PCDH15: variants seen among roughly 807,000 people sequenced by gnomAD.
PCDH15 encodes protocadherin related 15.
A neutral mutation model predicts 178.5 loss-of-function variants in PCDH15; 129 were observed. The ratio of observed to expected loss-of-function variants is 0.72; its 90% CI spans 0.63 to 0.84. PCDH15 has a LOEUF of 0.84. PCDH15 is among the 40% of genes least tolerant of loss of function. The probability of loss-of-function intolerance (pLI) is 0.00; values close to 1 mark genes in which losing one functional copy is unlikely to be tolerated. For synonymous variants in PCDH15, 800 were observed against 732.0 expected (o/e 1.09, Z -1.50); for missense variants, 2,230 against 2,099.9 (o/e 1.06, Z -1.21).
upstream of PCDH15, among the ~76,000 whole-genome samples, chr10:55,324,325 G>A (rs1216568448): frequency 6.6e-6 from 1 of 152,090 alleles, no homozygotes; most frequent in Non-Finnish European, 1.5e-5. Context: ...AGACCCAACT[G>A]TATGCTGCCT....
intron 21 of PCDH15, among the ~76,000 whole-genome samples, chr10:53,986,055 A>G (rs929220496): frequency 2.0e-5 from 3 of 152,170 alleles, no homozygotes; most frequent in Admixed American, 2.0e-4. Context: ...ATCACACAGT[A>G]TTGTTAACTA....
At chr10:54,738,972 CAT>C (rs1944450962) in intron 1 of PCDH15, among the ~76,000 whole-genome samples, 1 of 151,860 alleles carries the variant, frequency 6.6e-6, no homozygotes, top group Non-Finnish European at 1.5e-5. Flanking sequence ...AATGGGAAAA[CAT>C]TGAAAGCCTT....
intron 2 of PCDH15, among the ~76,000 whole-genome samples, chr10:55,165,916 G>A (rs1356793684): frequency 6.6e-6 from 1 of 151,252 alleles, no homozygotes; most frequent in African/African-American, 2.4e-5. Context: ...TTTCTATTTC[G>A]GATTCTATTT....
At chr10:55,602,926 G>A (rs1168629361) in intron 2 of PCDH15, among the ~76,000 whole-genome samples, 11 of 152,112 alleles carry the variant, frequency 7.2e-5, no homozygotes, top group East Asian at 3.9e-4. Flanking sequence ...GGCTTCAGAC[G>A]ATCAAATTAC....
chr10:54,693,510 T>A (rs1363248881), intron 1 of PCDH15, among the ~76,000 whole-genome samples: 1 of 152,160 alleles, frequency 6.6e-6, no homozygotes, highest in East Asian at 1.9e-4. Flanking sequence ...TTTCTCACCC[T>A]TGAGAATTAA....
intron 2 of PCDH15, among the ~76,000 whole-genome samples, chr10:55,032,958 G>C (rs553552473): frequency 8.9e-4 from 136 of 152,214 alleles, no homozygotes; most frequent in Non-Finnish European, 1.4e-3. Context: ...TTCAGTTGTG[G>C]TGTAGGTGGC....
At chr10:54,192,415 A>G (rs2049127686) in intron 11 of PCDH15, among the ~76,000 whole-genome samples, 1 of 152,092 alleles carries the variant, frequency 6.6e-6, no homozygotes, top group African/African-American at 2.4e-5. Context: ...AGAAGAAAAG[A>G]GATTAAATAA....
At chr10:54,250,011 G>A (rs933829604) in intron 8 of PCDH15, among the ~76,000 whole-genome samples, 10 of 151,482 alleles carry the variant, frequency 6.6e-5, no homozygotes, top group Admixed American at 6.6e-5. Context: ...TCATGGGCTC[G>A]GACCATCCTC....
chr10:53,882,084 A>G (rs540585101), intron 26 of PCDH15, among the ~76,000 whole-genome samples: 2 of 148,540 alleles, frequency 1.3e-5, no homozygotes, highest in East Asian at 4.0e-4. Context: ...CCGCCTTCTG[A>G]GTTGAAGCAA....
chr10:55,118,280 T>A (rs1488567710), intron 2 of PCDH15, among the ~76,000 whole-genome samples: 1 of 152,174 alleles, frequency 6.6e-6, no homozygotes, highest in East Asian at 1.9e-4. Flanking sequence ...CTGGGTCCTC[T>A]AGGTAGACAC....
At chr10:53,994,043 G>A (rs1285442440) in intron 21 of PCDH15, among the ~76,000 whole-genome samples, 3 of 152,158 alleles carry the variant, frequency 2.0e-5, no homozygotes, top group Non-Finnish European at 4.4e-5. Flanking sequence ...ATTTAAAAGA[G>A]CTTCAAAGTG....
At chr10:54,261,801 G>A (rs1330632096) in intron 8 of PCDH15, among the ~76,000 whole-genome samples, 3 of 152,166 alleles carry the variant, frequency 2.0e-5, no homozygotes, top group Non-Finnish European at 2.9e-5. Flanking sequence ...TTTGGAGAAT[G>A]GCAGATGGCC....
chr10:53,860,874 C>T (rs1346379114), intron 27 of PCDH15, among the ~76,000 whole-genome samples: 1 of 151,586 alleles, frequency 6.6e-6, no homozygotes, highest in Non-Finnish European at 1.5e-5. Flanking sequence ...TGAAAATATA[C>T]TTTTATATTT....
At chr10:54,571,126 C>T (rs1225973702) in intron 2 of PCDH15, among the ~76,000 whole-genome samples, 2 of 151,866 alleles carry the variant, frequency 1.3e-5, no homozygotes, top group African/African-American at 4.8e-5. Flanking sequence ...AAATGCACAA[C>T]GATTATAAGA....
At chr10:55,415,909 T>C (rs1041917576) in intron 2 of PCDH15, among the ~76,000 whole-genome samples, 1 of 151,666 alleles carries the variant, frequency 6.6e-6, no homozygotes, top group Admixed American at 6.6e-5. Flanking sequence ...GTCTTAGCAA[T>C]ATCTATAAAG....
At chr10:55,444,868 T>C (rs565003450) in intron 2 of PCDH15, among the ~76,000 whole-genome samples, 2 of 152,204 alleles carry the variant, frequency 1.3e-5, no homozygotes, top group East Asian at 3.9e-4. Flanking sequence ...TGAAAAACAT[T>C]CAGAACTACG....
intron 3 of PCDH15, among the ~76,000 whole-genome samples, chr10:54,854,713 C>T (rs749205632): frequency 5.3e-5 from 8 of 152,138 alleles, no homozygotes; most frequent in Admixed American, 3.3e-4. Context: ...TCTGGCTGAT[C>T]CCAGGGCTTT....
chr10:54,985,453 C>T (rs980841235), intron 2 of PCDH15, among the ~76,000 whole-genome samples: 1 of 152,088 alleles, frequency 6.6e-6, no homozygotes, highest in Non-Finnish European at 1.5e-5. Flanking sequence ...ATTGAAAATA[C>T]CACAAGTTGA....
intron 2 of PCDH15, among the ~76,000 whole-genome samples, chr10:55,466,666 C>T (rs1303106270): frequency 3.3e-5 from 5 of 152,148 alleles, no homozygotes; most frequent in South Asian, 2.1e-4. Context: ...CGTCTGGCAT[C>T]GAAACGCTGA....
Sources: allele counts gnomAD v4.1 joint callset (sites outside exome capture counted in the v4.1 genomes callset), GRCh38; gene constraint gnomAD v4.1.1; transcripts MANE v1.5; gene names NCBI Gene and HGNC (gene_info 2026-07-23, HGNC 2026-07-21).